SUPT20H: variants seen among roughly 807,000 people sequenced by gnomAD.
SUPT20H encodes the protein transcription factor SPT20 homolog.
Under a neutral mutation model 122.8 loss-of-function variants are expected in SUPT20H, and 82 were observed. That is an observed-to-expected ratio of 0.67 (90% CI 0.56 to 0.80). SUPT20H has a LOEUF of 0.80. SUPT20H is among the 30% of genes least tolerant of loss of function. The probability of loss-of-function intolerance (pLI) is 0.00; values close to 1 mark genes in which losing one functional copy is unlikely to be tolerated. For missense variants in SUPT20H, 831 were observed against 921.6 expected, an observed-to-expected ratio of 0.90 and a Z score of 1.27; for synonymous variants, 291 against 313.0, an observed-to-expected ratio of 0.93 and a Z score of 0.74.
At chr13:37,054,275 A>G (rs1214811229) in intron 1 of SUPT20H, among the ~76,000 whole-genome samples, 1 of 152,236 alleles carries the variant, frequency 6.6e-6, no homozygotes, top group Non-Finnish European at 1.5e-5. Context: ...TTATGAGGCC[A>G]GCATCATCCT....
intron 4 of SUPT20H, 65 bp from the exon 5 acceptor site, chr13:37,047,666 TATTTA>T (rs1428278701): frequency 7.7e-7 from 1 of 1,292,434 alleles, no homozygotes; most frequent in African/African-American, 1.5e-5. Context: ...ACATGAATGT[TATTTA>T]ATTTTTTCCT....
At chr13:37,025,491 AT>A in intron 16 of SUPT20H, 54 bp from the exon 17 acceptor site, 1 of 1,213,786 alleles carries the variant, frequency 8.2e-7, no homozygotes, top group Non-Finnish European at 1.2e-6. Context: ...TTAAACACAA[AT>A]TTATTTTATA....
chr13:37,009,634 T>C lies in SUPT20H; in HGVS notation c.*38A>G, dbSNP rs2059232884. 2 of 1,612,402 alleles carry C rather than the reference T, an allele frequency of 1.2e-6. No individual in the cohort carries two copies. The highest frequency in any genetic ancestry group is 1.7e-6 in the Non-Finnish European group (2 of 1,178,786). On this transcript the variant is annotated 3_prime_UTR_variant, in exon 26 of 26. Transcript: ENST00000350612. ...ACTCAATTCTTTTGATTCAGTGCTC[T>C]TGTGTTTTTAAAAAAGGAACAAAAA...
chr13:37,028,367 T>C lies in SUPT20H; in HGVS notation c.994-62A>G. On this transcript the variant is annotated intron_variant, in intron 13 of 25. Coordinates refer to ENST00000350612, the MANE Select transcript of SUPT20H (RefSeq NM_001014286.3). ...CAAGTAGGCAGGCAATAAGAATTAG[T>C]AAAAATCAGGAATAAATGATACAGT... The C allele has an allele frequency of 2.0e-6, 3 of 1,465,256 alleles. No homozygotes were observed. In the South Asian group the frequency reaches 3.8e-5, roughly 19 times the overall value. The allele number at this position is 1,465,256 out of a possible 1,614,324, so 90.8% of individuals were successfully genotyped here.
intron 21 of SUPT20H, 141 bp downstream of exon 21, chr13:37,021,307 G>T: frequency 1.1e-6 from 1 of 927,200 alleles, no homozygotes; most frequent in Non-Finnish European, 1.4e-6. Flanking sequence ...ACTTTTAAAG[G>T]CTTTTTAAGT....
At chr13:37,056,265 G>C (rs2069001312) in intron 1 of SUPT20H, among the ~76,000 whole-genome samples, 2 of 152,164 alleles carry the variant, frequency 1.3e-5, no homozygotes, top group Non-Finnish European at 2.9e-5. Flanking sequence ...CCATTACTGG[G>C]TATATACCCA....
chr13:37,053,839 T>C (rs1431699776), intron 1 of SUPT20H, among the ~76,000 whole-genome samples: 4 of 152,060 alleles, frequency 2.6e-5, no homozygotes, highest in African/African-American at 9.7e-5. Context: ...AGCTGGTTTT[T>C]TGAAAGATCA....
At chr13:37,044,262 C>T in intron 6 of SUPT20H, 81 bp from the exon 7 acceptor site, 1 of 1,114,368 alleles carries the variant, frequency 9.0e-7, no homozygotes, top group South Asian at 1.7e-5. Flanking sequence ...TTTCAAAGAA[C>T]TATATATAAT....
At chr13:37,025,983 T>C in intron 16 of SUPT20H, 1 of 386,646 alleles carries the variant, frequency 2.6e-6, no homozygotes, top group Non-Finnish European at 4.6e-6. Flanking sequence ...TACAGATATT[T>C]TTCTAGAATC....
intron 22 of SUPT20H, among the ~76,000 whole-genome samples, chr13:37,018,709 T>C (rs571080185): frequency 1.3e-5 from 2 of 152,312 alleles, no homozygotes; most frequent in South Asian, 2.1e-4. Context: ...TAGGCTGGAA[T>C]GCAGTGGCAC....
At chr13:37,040,293 G>T in intron 9 of SUPT20H, 112 bp downstream of exon 9, 1 of 937,518 alleles carries the variant, frequency 1.1e-6, no homozygotes, top group Non-Finnish European at 1.6e-6. Flanking sequence ...TTCACATAAA[G>T]CATCAAACTT....
chr13:37,051,724 T>A (rs1229608366), intron 1 of SUPT20H, 141 bp from the exon 2 acceptor site: 1 of 409,590 alleles, frequency 2.4e-6, no homozygotes, highest in African/African-American at 2.0e-5. Flanking sequence ...TTTTTAATAA[T>A]GAGTAACAAT....
In SUPT20H at chr13:37,010,761, G is replaced by T. The variant is rs1327943594; in HGVS notation, c.2099-106C>A. On this transcript the variant is annotated intron_variant, in intron 24 of 25. Transcript: ENST00000350612. The stretch of plus-strand genomic sequence containing the variant: ...GAAATAATAGAAAAGTTAGCAGTAT[G>T]ATTAATCTTAAGTATCAAATCATAG... 6.7e-6 allele frequency: 5 copies of T among 748,974 alleles called. No homozygotes were observed. In the African/African-American group the frequency reaches 8.7e-5, roughly 13 times the overall value. 46.4% of individuals were successfully genotyped at this position (748,974 alleles called of 1,614,324 possible).
intron 2 of SUPT20H, among the ~76,000 whole-genome samples, chr13:37,049,435 A>G (rs1480211796): frequency 6.6e-6 from 1 of 152,112 alleles, no homozygotes; most frequent in Admixed American, 6.6e-5. Flanking sequence ...TAAAAGTACT[A>G]GGTTCTAAAC....
intron 24 of SUPT20H, 103 bp downstream of exon 24, chr13:37,012,089 A>T: frequency 2.3e-6 from 2 of 853,388 alleles, no homozygotes; most frequent in Non-Finnish European, 3.8e-6. Context: ...TTTCCTGTTT[A>T]CTGGTTGCAA....
chr13:37,027,247 A>G (rs2062456115), intron 14 of SUPT20H, among the ~76,000 whole-genome samples: 1 of 152,080 alleles, frequency 6.6e-6, no homozygotes, highest in Non-Finnish European at 1.5e-5. Context: ...AATAAAAATA[A>G]AGAAAAAAAA....
At chr13:37,054,546 G>T (rs2068508996) in intron 1 of SUPT20H, among the ~76,000 whole-genome samples, 1 of 152,118 alleles carries the variant, frequency 6.6e-6, no homozygotes, top group Admixed American at 6.5e-5. Flanking sequence ...TGCAGAAAAG[G>T]CCTTTGACGA....
Position 37,009,650 on chromosome 13 carries a change from G to T in SUPT20H, c.*22C>A. On this transcript the variant is annotated 3_prime_UTR_variant, in exon 26 of 26. Transcript: ENST00000350612. ...TCAGTGCTCTTGTGTTTTTAAAAAA[G>T]GAACAAAAAGTAATGCAAGACTCAA... 6.2e-7 allele frequency: 1 copy of T among 1,612,040 alleles called. No homozygotes were observed. Among genetic ancestry groups the T allele is most frequent in the Non-Finnish European group, 8.5e-7 (1 of 1,179,386 alleles).
At chr13:37,041,314 G>A (rs988478348) in intron 7 of SUPT20H, among the ~76,000 whole-genome samples, 15 of 152,010 alleles carry the variant, frequency 9.9e-5, no homozygotes, top group Admixed American at 5.9e-4. Flanking sequence ...TCAGGAGATC[G>A]AGACCATCCT....
Sources: allele counts gnomAD v4.1 joint callset (sites outside exome capture counted in the v4.1 genomes callset), GRCh38; gene constraint gnomAD v4.1.1; transcripts MANE v1.5; gene names NCBI Gene and HGNC (gene_info 2026-07-23, HGNC 2026-07-21).